RCAN2: variants seen among roughly 807,000 people sequenced by gnomAD.
RCAN2 encodes the protein calcipressin-2.
RCAN2 carries 9 observed loss-of-function variants against 23.6 expected under a neutral mutation model. The ratio of observed to expected loss-of-function variants is 0.38; its 90% CI spans 0.23 to 0.67. The LOEUF (loss-of-function observed/expected upper bound fraction) is 0.67. Among genes scored for constraint, RCAN2 ranks in the 30% least tolerant of loss-of-function variants. The pLI, the probability that RCAN2 is intolerant of heterozygous loss-of-function variation, is 0.51. For missense variants in RCAN2, 273 were observed against 302.3 expected (o/e 0.90, Z 0.72); for synonymous variants, 109 against 115.7 (o/e 0.94, Z 0.37).
intron 2 of RCAN2, among the ~76,000 whole-genome samples, chr6:46,334,837 G>C (rs76632831): frequency 0.044 from 6,646 of 152,148 alleles, 444 homozygotes; most frequent in African/African-American, 0.15. Flanking sequence ...CTTCCTCCCC[G>C]GGTCCAAGAG....
chr6:46,475,978 A>G (rs1453031437), intron 1 of RCAN2, among the ~76,000 whole-genome samples: 1 of 152,178 alleles, frequency 6.6e-6, no homozygotes, highest in Admixed American at 6.5e-5. Context: ...GAAGCCAAAG[A>G]TGGAACATGT....
chr6:46,249,100 G>A (rs1766620307), intron 2 of RCAN2, among the ~76,000 whole-genome samples: 1 of 151,770 alleles, frequency 6.6e-6, no homozygotes, highest in South Asian at 2.1e-4. Flanking sequence ...TTGGTCCAAG[G>A]TTCTCTAGAG....
At chr6:46,394,403 A>G (rs186479535) in intron 2 of RCAN2, among the ~76,000 whole-genome samples, 73 of 146,018 alleles carry the variant, frequency 5.0e-4, no homozygotes, top group Admixed American at 2.8e-3. Context: ...TTTCACATTT[A>G]TGACTTTAAA....
intron 2 of RCAN2, chr6:46,325,741 T>C (rs1366763172): frequency 4.7e-6 from 6 of 1,274,754 alleles, no homozygotes; most frequent in Non-Finnish European, 6.0e-6. Flanking sequence ...CTATTTTTTT[T>C]TCTCCAAGCC....
intron 2 of RCAN2, among the ~76,000 whole-genome samples, chr6:46,390,158 G>A (rs1315342826): frequency 1.3e-5 from 2 of 152,118 alleles, no homozygotes; most frequent in African/African-American, 2.4e-5. Context: ...AAAACAAGGG[G>A]AAATTTTCAA....
Position 46,260,394 on chromosome 6 carries a change from G to A in RCAN2, c.226-11498C>T, listed in dbSNP as rs985368302. Among the ~76,000 whole-genome samples, 15 of 152,212 alleles carry A rather than the reference G, an allele frequency of 9.9e-5. No homozygotes were observed. The East Asian group carries it at 1.9e-3, about 20-fold the overall frequency. On this transcript the variant is annotated intron_variant, in intron 2 of 4. Transcript: ENST00000371374. ...TTGAATCCGCAAAGTTTAAGTCAAC[G>A]CACCCTATTATAGATGGCTGAGTAC...
intron 2 of RCAN2, among the ~76,000 whole-genome samples, chr6:46,449,727 A>C (rs1767819450): frequency 6.6e-6 from 1 of 151,908 alleles, no homozygotes; most frequent in African/African-American, 2.4e-5. Flanking sequence ...CGAAGAAAAA[A>C]CAGTTTCTTT....
At chr6:46,380,712 A>T (rs1765597721) in intron 2 of RCAN2, among the ~76,000 whole-genome samples, 1 of 152,210 alleles carries the variant, frequency 6.6e-6, no homozygotes, top group Admixed American at 6.5e-5. Context: ...CAGCTATGAC[A>T]CATAATCTTT....
At chr6:46,250,813 A>G (rs1028482139) in intron 2 of RCAN2, among the ~76,000 whole-genome samples, 16 of 152,196 alleles carry the variant, frequency 1.1e-4, no homozygotes, top group Non-Finnish European at 2.2e-4. Context: ...CTGACTTCTG[A>G]GGCTCCACAG....
At chr6:46,351,171 G>A (rs1405342317) in intron 2 of RCAN2, among the ~76,000 whole-genome samples, 1 of 152,180 alleles carries the variant, frequency 6.6e-6, no homozygotes, top group Non-Finnish European at 1.5e-5. Flanking sequence ...GGTAAATGAG[G>A]CCAGGATTTC....
chr6:46,415,543 A>T (rs1389561969), intron 2 of RCAN2, among the ~76,000 whole-genome samples: 3 of 152,158 alleles, frequency 2.0e-5, no homozygotes, highest in African/African-American at 7.2e-5. Flanking sequence ...AGTGAGAACC[A>T]TTTGCATAAA....
chr6:46,258,306 G>A lies in RCAN2; in HGVS notation c.226-9410C>T, dbSNP rs185882392. Among the ~76,000 whole-genome samples the A allele has an allele frequency of 1.1e-4, 17 of 152,310 alleles. No homozygotes were observed. In the East Asian group the frequency reaches 1.5e-3, roughly 14 times the overall value. On this transcript the variant is annotated intron_variant, in intron 2 of 4. Coordinates refer to ENST00000371374, the MANE Select transcript of RCAN2 (RefSeq NM_001251974.2). ...CTTATGTGACGGGCATAACTGGCGT[G>A]CATGTGAGAGTTCCCACAGCTGGAC...
intron 2 of RCAN2, among the ~76,000 whole-genome samples, chr6:46,262,652 T>A (rs1289559901): frequency 3.3e-5 from 5 of 150,750 alleles, no homozygotes; most frequent in Non-Finnish European, 5.9e-5. Context: ...CATTCCTCTA[T>A]AAAATTCTTT....
At chr6:46,367,025 A>G (rs1386514507) in intron 2 of RCAN2, among the ~76,000 whole-genome samples, 7 of 75,270 alleles carry the variant, frequency 9.3e-5, no homozygotes, top group African/African-American at 4.4e-4. Context: ...TGGGATGGAT[A>G]TATATATATA....
intron 2 of RCAN2, among the ~76,000 whole-genome samples, chr6:46,354,030 A>C (rs1428596195): frequency 6.6e-6 from 1 of 152,162 alleles, no homozygotes; most frequent in African/African-American, 2.4e-5. Context: ...ATGGGATACA[A>C]ACCAGAATAT....
intron 4 of RCAN2, among the ~76,000 whole-genome samples, chr6:46,228,642 A>T (rs1426507758): frequency 6.6e-6 from 1 of 151,836 alleles, no homozygotes; most frequent in Non-Finnish European, 1.5e-5. Flanking sequence ...ATCTTCCTCC[A>T]TCTCTTTATT....
intron 2 of RCAN2, among the ~76,000 whole-genome samples, chr6:46,358,566 A>G (rs570633011): frequency 5.3e-5 from 8 of 152,346 alleles, no homozygotes; most frequent in African/African-American, 1.4e-4. Flanking sequence ...CTTCATCTAT[A>G]AAGTGAGAGC....
At chr6:46,323,227 T>C (rs573910510) in intron 2 of RCAN2, among the ~76,000 whole-genome samples, 101 of 152,240 alleles carry the variant, frequency 6.6e-4, no homozygotes, top group African/African-American at 2.3e-3. Flanking sequence ...ATGACGATGG[T>C]GATAGCTAAC....
intron 4 of RCAN2, among the ~76,000 whole-genome samples, chr6:46,246,158 T>C (rs910837372): frequency 6.6e-6 from 1 of 152,224 alleles, no homozygotes; most frequent in Non-Finnish European, 1.5e-5. Context: ...AGTGTGGTGG[T>C]AGATTCATAT....
Sources: allele counts gnomAD v4.1 joint callset (sites outside exome capture counted in the v4.1 genomes callset), GRCh38; gene constraint gnomAD v4.1.1; transcripts MANE v1.5; gene names NCBI Gene and HGNC (gene_info 2026-07-23, HGNC 2026-07-21).